Variants in CYRIB observed in about 807,000 individuals in gnomAD.
The protein encoded by CYRIB is CYFIP-related Rac1 interactor B.
CYRIB carries 8 observed loss-of-function variants against 44.2 expected under a neutral mutation model. The observed-to-expected ratio is 0.18, with a 90% CI of 0.11 to 0.33. The LOEUF is 0.33. CYRIB is among the 10% of genes least tolerant of loss of function. The probability of loss-of-function intolerance (pLI) is 1.00; values close to 1 mark genes in which losing one functional copy is unlikely to be tolerated. For synonymous variants in CYRIB, 131 were observed against 127.2 expected, an observed-to-expected ratio of 1.03 and a Z score of -0.20; for missense variants, 185 against 382.8, an observed-to-expected ratio of 0.48 and a Z score of 4.31.
At chr8:129,840,273 T>C (rs1485575929) in exon 12 of CYRIB, 1 of 152,524 alleles carries the variant, frequency 6.6e-6, no homozygotes, top group African/African-American at 2.4e-5. Flanking sequence ...TTTTCCTAGC[T>C]TCTAGTGACT....
chr8:129,940,091 A>G (rs2093561833), upstream of CYRIB, among the ~76,000 whole-genome samples: 1 of 152,074 alleles, frequency 6.6e-6, no homozygotes, highest in Non-Finnish European at 1.5e-5. Context: ...TCGCGCCGAG[A>G]TAGCTTCTGA....
intron 1 of CYRIB, among the ~76,000 whole-genome samples, chr8:129,974,493 T>C (rs925104517): frequency 6.6e-6 from 1 of 152,170 alleles, no homozygotes; most frequent in African/African-American, 2.4e-5. Context: ...CAAATCTATT[T>C]ACAAAGGTGA....
chr8:130,008,293 G>C (rs1003862778), intron 1 of CYRIB: 2 of 154,146 alleles, frequency 1.3e-5, no homozygotes, highest in African/African-American at 4.8e-5. Context: ...TCACTCCCTA[G>C]CTCCTGCTCC....
intron 2 of CYRIB, among the ~76,000 whole-genome samples, chr8:129,951,410 G>A (rs903562677): frequency 1.3e-5 from 2 of 151,980 alleles, no homozygotes; most frequent in African/African-American, 4.8e-5. Context: ...GAGGACATAA[G>A]AAAATGGTAG....
chr8:129,845,885 T>C (rs1157484178), intron 11 of CYRIB, among the ~76,000 whole-genome samples: 2 of 152,354 alleles, frequency 1.3e-5, no homozygotes, highest in East Asian at 3.9e-4. Context: ...TGGCTCATGC[T>C]GTAATCTCAG....
rs569569930 is a variant in CYRIB, at chr8:129,872,070, T to C, written c.74-574A>G. On this transcript the variant is annotated intron_variant, in intron 3 of 11. Transcript: ENST00000519824. ...AAGTGTCTCAACATATATGATATTA[T>C]AGGTTAAAGAAGAGAGGATATATAT... is the stretch of plus-strand genomic sequence containing the variant. Among the ~76,000 whole-genome samples, 7 of 152,076 alleles carry C rather than the reference T, an allele frequency of 4.6e-5. 1 individual carries two copies. The South Asian group carries it at 1.0e-3, about 22-fold the overall frequency.
intron 1 of CYRIB, among the ~76,000 whole-genome samples, chr8:129,930,852 CAAG>C (rs1334707596): frequency 3.9e-5 from 6 of 152,124 alleles, no homozygotes; most frequent in Non-Finnish European, 7.4e-5. Context: ...AGCTCCACAG[CAAG>C]AAGACTGTTT....
At chr8:129,964,146 G>GC (rs1169232009) in intron 2 of CYRIB, among the ~76,000 whole-genome samples, 1 of 152,168 alleles carries the variant, frequency 6.6e-6, no homozygotes, top group Non-Finnish European at 1.5e-5. Flanking sequence ...GAGAAGAAAG[G>GC]CCCCTAAAGG....
At chr8:129,930,095 C>G (rs1397395904) in intron 1 of CYRIB, among the ~76,000 whole-genome samples, 1 of 151,674 alleles carries the variant, frequency 6.6e-6, no homozygotes. Context: ...CCTGTAATCC[C>G]AGCTACTCAG....
chr8:129,938,976 G>A (rs563349522), intron 1 of CYRIB, among the ~76,000 whole-genome samples: 4 of 152,276 alleles, frequency 2.6e-5, no homozygotes, highest in African/African-American at 7.2e-5. Context: ...CACACCCTAA[G>A]ACTGAGAATC....
chr8:129,958,383 A>G (rs967592402), intron 2 of CYRIB, among the ~76,000 whole-genome samples: 6 of 152,202 alleles, frequency 3.9e-5, no homozygotes, highest in Admixed American at 3.3e-4. Context: ...GTCTCTGCAG[A>G]ATCTGGAGAA....
At chr8:129,925,865 A>G (rs1481810268) in intron 1 of CYRIB, among the ~76,000 whole-genome samples, 1 of 152,214 alleles carries the variant, frequency 6.6e-6, no homozygotes, top group Non-Finnish European at 1.5e-5. Context: ...CCTCCAACAA[A>G]GACAGAGGAA....
At chr8:129,848,695 C>T (rs189990990) in intron 10 of CYRIB, among the ~76,000 whole-genome samples, 61 of 151,734 alleles carry the variant, frequency 4.0e-4, no homozygotes, top group African/African-American at 1.4e-3. Context: ...AGCCTCTCAA[C>T]GTAGCTGTGA....
intron 8 of CYRIB, 45 bp downstream of exon 10, chr8:129,852,117 G>T: frequency 8.4e-7 from 1 of 1,191,654 alleles, no homozygotes; most frequent in Non-Finnish European, 1.2e-6. Flanking sequence ...TCTGCCAACA[G>T]GGGCATAAAT....
At chr8:129,932,155 C>G (rs904947524) in intron 1 of CYRIB, among the ~76,000 whole-genome samples, 1 of 151,910 alleles carries the variant, frequency 6.6e-6, no homozygotes, top group African/African-American at 2.4e-5. Context: ...CTCACCACTT[C>G]GCCCAGCTAA....
At chr8:129,943,086 A>AACCCCCCCCCCC (rs2093840896), upstream of CYRIB, among the ~76,000 whole-genome samples, 1 of 101,580 alleles carries the variant, frequency 9.8e-6, no homozygotes. Flanking sequence ...TGCACCGCCC[A>AACCCCCCCCCCC]CCCGCCCCCC....
chr8:129,891,468 T>G lies in CYRIB; in HGVS notation c.-11+11844A>C, dbSNP rs2134877355. ...AGTGATGCTTTGATTCTCCATCTTT[T>G]GTGAAATGTAAAGGAAGAGACAGAG... On this transcript the variant is annotated intron_variant, in intron 2 of 11. Transcript: ENST00000519824. Among the ~76,000 whole-genome samples the G allele has an allele frequency of 1.3e-5, 2 of 152,342 alleles. 1 individual carries two copies. Among genetic ancestry groups the G allele is most frequent in the South Asian group, 4.1e-4 (2 of 4,830 alleles).
rs1554659983 is a variant in CYRIB at position 129,930,365 on chromosome 8, T to TTATATATA, written c.-50+9235_-50+9242dup. Among the ~76,000 whole-genome samples, 124 of 50,416 alleles carry TTATATATA rather than the reference T, an allele frequency of 2.5e-3. 21 individuals are homozygous for TTATATATA. The highest frequency in any genetic ancestry group is 8.2e-3 in the Admixed American group (34 of 4,142). The allele number at this position is 50,416 out of a possible 152,430, so 33.1% of individuals were successfully genotyped here. A position where few individuals can be genotyped will look rare whatever the true frequency, so the allele number is the denominator to read the frequency against. On this transcript the variant is annotated intron_variant, in intron 1 of 11. Coordinates refer to ENST00000519824, the Ensembl canonical transcript of CYRIB. ...TCAACTAGGAAGAATTGTGAAGTGCTTATATATATATATATTTTAATTATT... is the reference window on the plus strand; with the variant it reads ...TCAACTAGGAAGAATTGTGAAGTGCTTATATATATATATATATATATATTTTAATTATT...
At chr8:129,999,999 C>A (rs748531014) in intron 1 of CYRIB, among the ~76,000 whole-genome samples, 3 of 152,304 alleles carry the variant, frequency 2.0e-5, no homozygotes, top group Non-Finnish European at 4.4e-5. Flanking sequence ...GTTACCGTGT[C>A]CCCCTTGTGT....
Sources: gnomAD v4.1 joint callset for allele counts (sites outside exome capture counted in the v4.1 genomes callset) on GRCh38, gnomAD v4.1.1 for gene constraint, MANE v1.5 for transcripts, NCBI Gene and HGNC (gene_info 2026-07-23, HGNC 2026-07-21) for gene names.